The following CLSTN2 variants were observed in gnomAD, a reference collection of about 807,000 sequenced individuals.
CLSTN2 encodes calsyntenin-2.
CLSTN2 carries 48 observed loss-of-function variants against 101.2 expected under a neutral mutation model. That is an observed-to-expected ratio of 0.47 (90% CI 0.38 to 0.60). The LOEUF is 0.60. Ranked by LOEUF, CLSTN2 falls within the 20% of genes least tolerant of loss-of-function variation. The pLI, the probability that CLSTN2 is intolerant of heterozygous loss-of-function variation, is 0.00. For synonymous variants in CLSTN2, 481 were observed against 463.6 expected, an observed-to-expected ratio of 1.04 and a Z score of -0.48; for missense variants, 1,160 against 1,238.2, an observed-to-expected ratio of 0.94 and a Z score of 0.95.
At chr3:140,533,945 C>G (rs1251544379) in intron 9 of CLSTN2, among the ~76,000 whole-genome samples, 1 of 152,076 alleles carries the variant, frequency 6.6e-6, no homozygotes, top group Non-Finnish European at 1.5e-5. Context: ...CTGAGCCCAC[C>G]TACTTGATGT....
At chr3:140,553,865 G>T (rs183710423) in intron 10 of CLSTN2, among the ~76,000 whole-genome samples, 2 of 152,188 alleles carry the variant, frequency 1.3e-5, no homozygotes, top group Non-Finnish European at 2.9e-5. Context: ...GGAGAACAGG[G>T]TTTGGTGAGT....
chr3:140,003,586 G>A (rs900681779), intron 1 of CLSTN2, among the ~76,000 whole-genome samples: 3 of 152,072 alleles, frequency 2.0e-5, no homozygotes, highest in Non-Finnish European at 4.4e-5. Flanking sequence ...AGTGGTAAAA[G>A]TGGGCATCCT....
chr3:140,373,605 G>C (rs1446031325), intron 2 of CLSTN2, among the ~76,000 whole-genome samples: 1 of 152,228 alleles, frequency 6.6e-6, no homozygotes, highest in Admixed American at 6.5e-5. Context: ...CCGTCTTTAA[G>C]AGAAAGAGCT....
chr3:140,323,239 C>A (rs919024867), intron 2 of CLSTN2, among the ~76,000 whole-genome samples: 1 of 152,106 alleles, frequency 6.6e-6, no homozygotes, highest in Non-Finnish European at 1.5e-5. Context: ...GGGGGCTTTA[C>A]GGAGGGCGTT....
At chr3:140,512,378 T>C (rs893819307) in intron 8 of CLSTN2, among the ~76,000 whole-genome samples, 43 of 152,218 alleles carry the variant, frequency 2.8e-4, no homozygotes, top group Non-Finnish European at 6.0e-4. Flanking sequence ...TAGGGAATGC[T>C]TTCCCCATTG....
chr3:140,214,181 T>C (rs2010893458), intron 2 of CLSTN2, among the ~76,000 whole-genome samples: 1 of 152,096 alleles, frequency 6.6e-6, no homozygotes, highest in African/African-American at 2.4e-5. Flanking sequence ...GGCTCACGCC[T>C]GTAATCCCAG....
chr3:140,148,923 G>T (rs2009820777), intron 1 of CLSTN2, among the ~76,000 whole-genome samples: 2 of 152,282 alleles, frequency 1.3e-5, no homozygotes, highest in African/African-American at 4.8e-5. Flanking sequence ...AATGCAGCTG[G>T]TTGTTAGTAG....
At chr3:140,484,083 T>G (rs1934186474) in intron 8 of CLSTN2, among the ~76,000 whole-genome samples, 2 of 152,246 alleles carry the variant, frequency 1.3e-5, no homozygotes, top group South Asian at 4.1e-4. Context: ...TTTGGCATGT[T>G]TTTGCAGTGG....
At chr3:140,130,553 G>A (rs1000374793) in intron 1 of CLSTN2, among the ~76,000 whole-genome samples, 1 of 152,160 alleles carries the variant, frequency 6.6e-6, no homozygotes, top group African/African-American at 2.4e-5. Flanking sequence ...GTTACAAACT[G>A]TATGGCAGGG....
At chr3:140,400,230 C>CT (rs894486948) in intron 2 of CLSTN2, among the ~76,000 whole-genome samples, 1 of 152,178 alleles carries the variant, frequency 6.6e-6, no homozygotes, top group African/African-American at 2.4e-5. Context: ...TGTTCTCACT[C>CT]TGAGTCCCAC....
chr3:140,220,088 A>G (rs1478104111), intron 2 of CLSTN2, among the ~76,000 whole-genome samples: 7 of 152,222 alleles, frequency 4.6e-5, no homozygotes, highest in Admixed American at 2.6e-4. Flanking sequence ...CTGAACTGCT[A>G]TGCTATACTG....
At chr3:140,564,829 C>T (rs1935997583) in intron 16 of CLSTN2, among the ~76,000 whole-genome samples, 1 of 152,190 alleles carries the variant, frequency 6.6e-6, no homozygotes, top group Non-Finnish European at 1.5e-5. Flanking sequence ...CCAACAGCCC[C>T]CAGAATCTAT....
chr3:139,936,899 AT>A (rs1935032281), intron 1 of CLSTN2, among the ~76,000 whole-genome samples: 1 of 151,944 alleles, frequency 6.6e-6, no homozygotes, highest in Non-Finnish European at 1.5e-5. Context: ...GGCAGTTTCT[AT>A]TTTTAGAAAT....
intron 1 of CLSTN2, among the ~76,000 whole-genome samples, chr3:139,949,915 A>G (rs1935265768): frequency 1.3e-5 from 2 of 152,230 alleles, no homozygotes; most frequent in South Asian, 4.1e-4. Flanking sequence ...ATTAAAAACA[A>G]TTTGCAATTT....
intron 1 of CLSTN2, among the ~76,000 whole-genome samples, chr3:140,012,272 G>A (rs1395997422): frequency 1.3e-5 from 2 of 152,144 alleles, no homozygotes; most frequent in Non-Finnish European, 2.9e-5. Context: ...GAAGCTGTGT[G>A]TATGAAAGAA....
At chr3:140,260,142 A>C (rs1400816810) in intron 2 of CLSTN2, among the ~76,000 whole-genome samples, 1 of 147,772 alleles carries the variant, frequency 6.8e-6, no homozygotes, top group African/African-American at 2.5e-5. Context: ...AGAAATATAT[A>C]TATATATATA....
intron 2 of CLSTN2, among the ~76,000 whole-genome samples, chr3:140,321,251 A>G (rs547506281): frequency 2.0e-5 from 3 of 152,176 alleles, no homozygotes; most frequent in Non-Finnish European, 4.4e-5. Context: ...TGGACTCTCC[A>G]TATCCATAGG....
intron 6 of CLSTN2, 90 bp downstream of exon 6, chr3:140,448,794 C>G: frequency 8.7e-7 from 1 of 1,145,862 alleles, no homozygotes; most frequent in African/African-American, 1.5e-5. Context: ...AGGCAAGAAT[C>G]AACCCTCCCT....
chr3:140,358,380 G>A (rs2087695690), intron 2 of CLSTN2, among the ~76,000 whole-genome samples: 1 of 151,982 alleles, frequency 6.6e-6, no homozygotes, highest in African/African-American at 2.4e-5. Context: ...GTCCTTTTGG[G>A]GGAATTTTTA....
Sources: gnomAD v4.1 joint callset for allele counts (sites outside exome capture counted in the v4.1 genomes callset) on GRCh38, gnomAD v4.1.1 for gene constraint, MANE v1.5 for transcripts, NCBI Gene and HGNC (gene_info 2026-07-23, HGNC 2026-07-21) for gene names.